The following CDC42EP4 variants were observed in gnomAD, a reference collection of about 807,000 sequenced individuals.
CDC42EP4 encodes CDC42 effector protein (Rho GTPase binding) 4.
Under a neutral mutation model 5.6 loss-of-function variants are expected in CDC42EP4, and 6 were observed. The ratio of observed to expected loss-of-function variants is 1.07; its 90% CI spans 0.59 to 2.12. The LOEUF is 2.12. Ranked by LOEUF, CDC42EP4 falls within the 30% of genes most tolerant of loss-of-function variation. CDC42EP4 has a pLI of 0.00. For missense variants in CDC42EP4, 490 were observed against 508.6 expected (o/e 0.96, Z 0.35); for synonymous variants, 230 against 224.2 (o/e 1.03, Z -0.23).
chr17:73,309,385 T>C (rs576863133), intron 1 of CDC42EP4, among the ~76,000 whole-genome samples: 27 of 152,104 alleles, frequency 1.8e-4, no homozygotes, highest in Non-Finnish European at 2.6e-4. Flanking sequence ...ATTTTTAAAA[T>C]CAAAAGACTG....
In CDC42EP4 at chr17:73,284,173, G is replaced by A. The variant is rs527807422; in HGVS notation, c.*1257C>T. The A allele has an allele frequency of 1.3e-5, 2 of 152,120 alleles. No homozygotes were observed. Among genetic ancestry groups the A allele is most frequent in the Non-Finnish European group, 2.9e-5 (2 of 68,040 alleles). 9.4% of individuals were successfully genotyped at this position (152,120 alleles called of 1,614,324 possible). ...TATCTTTTGTTTACCTGAAATTTGC[G>A]TTTAACTCAGCACTCTGTTTTGGTT... On this transcript the variant is annotated 3_prime_UTR_variant, in exon 2 of 2. Transcript: ENST00000335793.
intron 1 of CDC42EP4, among the ~76,000 whole-genome samples, chr17:73,291,457 C>T (rs1193103470): frequency 6.6e-6 from 1 of 152,300 alleles, no homozygotes; most frequent in East Asian, 1.9e-4. Flanking sequence ...GAGCTTCTAA[C>T]AGAGAACAGT....
chr17:73,286,308 A>T lies in CDC42EP4; in HGVS notation c.193T>A (p.Leu65Met). Residue 65 changes from leucine (L) to methionine (M), a missense_variant, in exon 2 of 2, where the codon TTG becomes ATG. Coordinates refer to ENST00000335793, the MANE Select transcript of CDC42EP4 (RefSeq NM_012121.5). This position sits in a 1 kb window ranked among gnomAD's most constrained non-coding sequence, Gnocchi z 7.7. ...GATGAAGAAGAGGGCTGTTCGTCCAAGGACTCGCCGTCGGGCTCGCCAGCC... is the reference window on the plus strand; with the variant it reads ...GATGAAGAAGAGGGCTGTTCGTCCATGGACTCGCCGTCGGGCTCGCCAGCC... The part of the protein sequence containing the change: ...SKAGEPDGES[L>M]DEQPSSSSSK... The T allele has an allele frequency of 1.2e-6, 2 of 1,614,224 alleles. No individual in the cohort carries two copies. Among genetic ancestry groups the T allele is most frequent in the Non-Finnish European group, 1.7e-6 (2 of 1,180,048 alleles).
intron 1 of CDC42EP4, among the ~76,000 whole-genome samples, chr17:73,301,042 C>T (rs56074137): frequency 0.037 from 5,450 of 148,104 alleles, 242 homozygotes; most frequent in African/African-American, 0.096. Flanking sequence ...AGTGAAACTC[C>T]GTCTCAAAAA....
chr17:73,286,783 A>T lies in CDC42EP4; in HGVS notation c.-112-171T>A. On this transcript the variant is annotated intron_variant, in intron 1 of 1. Coordinates refer to ENST00000335793, the MANE Select transcript of CDC42EP4 (RefSeq NM_012121.5). This position sits in a 1 kb window ranked among gnomAD's most constrained non-coding sequence, Gnocchi z 7.7. ...CCTGCCTGTTTCTTCATCCGCAGGCATTCAGAGTAGAGGAGTGATTTTGCA... is the reference window on the plus strand; with the variant it reads ...CCTGCCTGTTTCTTCATCCGCAGGCTTTCAGAGTAGAGGAGTGATTTTGCA... The T allele has an allele frequency of 1.2e-5, 5 of 415,908 alleles. No homozygotes were observed. The East Asian group carries it at 1.9e-4, about 16-fold the overall frequency. The allele number at this position is 415,908 out of a possible 1,614,324, so 25.8% of individuals were successfully genotyped here. A position where few individuals can be genotyped will look rare whatever the true frequency, so the allele number is the denominator to read the frequency against.
chr17:73,289,130 C>A (rs2062148284), intron 1 of CDC42EP4, among the ~76,000 whole-genome samples: 1 of 152,136 alleles, frequency 6.6e-6, no homozygotes, highest in African/African-American at 2.4e-5. Context: ...TTGCAAAGGG[C>A]CAGAGAGTAA....
chr17:73,301,657 G>C (rs186016650), intron 1 of CDC42EP4, among the ~76,000 whole-genome samples: 1 of 151,204 alleles, frequency 6.6e-6, no homozygotes, highest in African/African-American at 2.4e-5. Context: ...AGCAATTCTT[G>C]TGCTTCAGCC....
chr17:73,287,255 T>C (rs2062139531), intron 1 of CDC42EP4, among the ~76,000 whole-genome samples: 1 of 152,182 alleles, frequency 6.6e-6, no homozygotes, highest in Non-Finnish European at 1.5e-5. Context: ...CTCCCCAGCC[T>C]TTCAGCCTTC....
rs1270269878 is a variant in CDC42EP4, at chr17:73,285,380, G to A, written c.*50C>T. 1 of 1,415,678 alleles carries A rather than the reference G, an allele frequency of 7.1e-7. No individual in the cohort carries two copies. The highest frequency in any genetic ancestry group is 2.3e-5 in the East Asian group (1 of 43,370). The allele number at this position is 1,415,678 out of a possible 1,614,324, so 87.7% of individuals were successfully genotyped here. A position where few individuals can be genotyped will look rare whatever the true frequency, so the allele number is the denominator to read the frequency against. On this transcript the variant is annotated 3_prime_UTR_variant, in exon 2 of 2. Transcript: ENST00000335793. The surrounding 1 kb of genome is among the most constrained non-coding windows in gnomAD (Gnocchi z 6.8). The stretch of plus-strand genomic sequence containing the variant: ...GGTCAAAGGTCATAGTGGGGTGGGG[G>A]CAGGGAGAAGATGCAGCCAAGAGCT...
At chr17:73,304,330 A>G (rs942559059) in intron 1 of CDC42EP4, among the ~76,000 whole-genome samples, 21 of 146,254 alleles carry the variant, frequency 1.4e-4, no homozygotes, top group African/African-American at 5.1e-4. Context: ...AGGCTGGAGT[A>G]CACTGTAGCA....
chr17:73,304,277 C>CTTT (rs3064764), intron 1 of CDC42EP4, among the ~76,000 whole-genome samples: 37,850 of 135,638 alleles, frequency 0.28, 5,122 homozygotes, highest in Admixed American at 0.33. Context: ...TCTTCTTCTT[C>CTTT]TTTTTTTTTT....
In CDC42EP4 at chr17:73,286,551, GGGGT is replaced by G; in HGVS notation, c.-55_-52del. The G allele has an allele frequency of 7.0e-7, 1 of 1,437,418 alleles. No homozygotes were observed. The highest frequency in any genetic ancestry group is 9.4e-7 in the Non-Finnish European group (1 of 1,064,388). 89.0% of individuals were successfully genotyped at this position (1,437,418 alleles called of 1,614,324 possible). ...CCCTCCCGAGGTAGCCGGCAGGTCT[GGGGT>G]CAGATCTGAAGTCCAAGTCCAGTGG... On this transcript the variant is annotated 5_prime_UTR_variant, in exon 2 of 2. It removes the in-frame stop codon of an upstream open reading frame in the 5' UTR. Transcript: ENST00000335793. This position sits in a 1 kb window ranked among gnomAD's most constrained non-coding sequence, Gnocchi z 7.7.
chr17:73,299,445 ACACACAC>A (rs1568344378), intron 1 of CDC42EP4, among the ~76,000 whole-genome samples: 4,925 of 104,814 alleles, frequency 0.047, 258 homozygotes, highest in African/African-American at 0.13. Context: ...AAAAAAAAAT[ACACACAC>A]ACACACACAC....
At chr17:73,294,198 G>T (rs1205758829) in intron 1 of CDC42EP4, among the ~76,000 whole-genome samples, 1 of 151,986 alleles carries the variant, frequency 6.6e-6, no homozygotes, top group Non-Finnish European at 1.5e-5. Flanking sequence ...TAAAAACACA[G>T]AAATCAGCCA....
Position 73,307,759 on chromosome 17 carries a change from TC to T in CDC42EP4, c.-113+4133del, listed in dbSNP as rs1210223994. ...CACCACGCCTGGCCCTGAATTTCTC[TC>T]TTTTTTTTTTTTTTTTTTTTGAGAT... On this transcript the variant is annotated intron_variant, in intron 1 of 1. Transcript: ENST00000335793. Among the ~76,000 whole-genome samples the T allele has an allele frequency of 4.9e-3, 514 of 104,590 alleles. 3 individuals carry two copies. The highest frequency in any genetic ancestry group is 0.01 in the Middle Eastern group (2 of 194). The allele number at this position is 104,590 out of a possible 152,430, so 68.6% of individuals were successfully genotyped here.
Position 73,286,215 on chromosome 17 carries a change from C to A in CDC42EP4, c.286G>T (p.Glu96Ter). The stretch of plus-strand genomic sequence containing the variant: ...CCCAGCATGTCACGCTGCTCCCGCT[C>A]CCCCCTGGTCACCGACTGTGACCGC... ...SKRSQSVTRG[E>*]REQRDMLGSL... The change falls in exon 2 of 2, where the codon GAG becomes TAG. Residue 96 changes from glutamate (E) to a stop codon, truncating the protein, a stop_gained. Coordinates refer to ENST00000335793, the MANE Select transcript of CDC42EP4 (RefSeq NM_012121.5). LOFTEE classifies it low-confidence loss of function (END_TRUNC). The surrounding 1 kb of genome is among the most constrained non-coding windows in gnomAD (Gnocchi z 7.7). 1 of 1,614,130 alleles carries A rather than the reference C, an allele frequency of 6.2e-7. No individual in the cohort carries two copies. The highest frequency in any genetic ancestry group is 8.5e-7 in the Non-Finnish European group (1 of 1,180,022).
At chr17:73,288,857 A>G (rs2062146728) in intron 1 of CDC42EP4, among the ~76,000 whole-genome samples, 1 of 152,106 alleles carries the variant, frequency 6.6e-6, no homozygotes, top group Non-Finnish European at 1.5e-5. Context: ...CATTCCAGCA[A>G]ACACAAAGTT....
intron 1 of CDC42EP4, among the ~76,000 whole-genome samples, chr17:73,298,983 G>A (rs1308146002): frequency 2.7e-5 from 4 of 150,486 alleles, no homozygotes; most frequent in Admixed American, 6.6e-5. Flanking sequence ...TTTGAGACAC[G>A]GCATTGCTGT....
At chr17:73,310,668 C>T (rs1178093587) in intron 1 of CDC42EP4, among the ~76,000 whole-genome samples, 1 of 151,724 alleles carries the variant, frequency 6.6e-6, no homozygotes, top group African/African-American at 2.4e-5. Context: ...AAGAAAACTT[C>T]CAAAGCCGAG....
Sources: gnomAD v4.1 joint callset for allele counts (sites outside exome capture counted in the v4.1 genomes callset) on GRCh38, gnomAD v4.1.1 for gene constraint, Gnocchi (gnomAD v3.1) non-coding constraint, MANE v1.5 for transcripts, NCBI Gene and HGNC (gene_info 2026-07-23, HGNC 2026-07-21) for gene names.